The following FCN1 variants were observed in gnomAD, a reference collection of about 807,000 sequenced individuals.
FCN1 encodes the protein ficolin 1.
Under a neutral mutation model 35.6 loss-of-function variants are expected in FCN1, and 42 were observed. The observed-to-expected ratio is 1.18, with a 90% CI of 0.92 to 1.53. The LOEUF (loss-of-function observed/expected upper bound fraction) is 1.53. Ranked by LOEUF, FCN1 falls within the 40% of genes most tolerant of loss-of-function variation. The pLI is 0.00. For synonymous variants in FCN1, 179 were observed against 169.8 expected (o/e 1.05, Z -0.42); for missense variants, 439 against 428.4 (o/e 1.02, Z -0.22).
rs1160829454 is a variant in FCN1, at chr9:134,908,903, C to A, written c.*895G>T. ...CCGCACGTTGATTCTGCCCCTCTGGCCTTCCTTTGGTTCCCTTAGTGTCCT... is the reference window on the plus strand; with the variant it reads ...CCGCACGTTGATTCTGCCCCTCTGGACTTCCTTTGGTTCCCTTAGTGTCCT... On this transcript the variant is annotated 3_prime_UTR_variant, in exon 9 of 9. Transcript: ENST00000371806. The A allele has an allele frequency of 1.3e-5, 3 of 229,074 alleles. No homozygotes were observed. Among genetic ancestry groups the A allele is most frequent in the Non-Finnish European group, 1.8e-5 (2 of 113,782 alleles). The allele number at this position is 229,074 out of a possible 1,614,324, so 14.2% of individuals were successfully genotyped here.
In FCN1 at chr9:134,909,614, A is replaced by G; in HGVS notation, c.*184T>C. Reference sequence around the variant, plus strand: ...TCTGTCCCAAAGTAAACATATTTAGAAACATAATTCTCCCTCTGGTGAGGT... The same window carrying G: ...TCTGTCCCAAAGTAAACATATTTAGGAACATAATTCTCCCTCTGGTGAGGT... On this transcript the variant is annotated 3_prime_UTR_variant, in exon 9 of 9. Transcript: ENST00000371806. 6.5e-7 allele frequency: 1 copy of G among 1,545,514 alleles called. No individual in the cohort carries two copies. Among genetic ancestry groups the G allele is most frequent in the Non-Finnish European group, 8.7e-7 (1 of 1,149,494 alleles).
intron 8 of FCN1, 87 bp downstream of exon 8, chr9:134,911,046 G>A: frequency 1.5e-6 from 2 of 1,366,388 alleles, no homozygotes; most frequent in Non-Finnish European, 2.1e-6. Context: ...AGAGAGAGGA[G>A]GGCCCAAGGT....
chr9:134,914,739 G>C lies in FCN1; in HGVS notation c.271+17C>G, dbSNP rs751869378. On this transcript the variant is annotated intron_variant, in intron 3 of 8. Coordinates refer to ENST00000371806, the MANE Select transcript of FCN1 (RefSeq NM_002003.5). ...GGTCCCTGCTCAAGGCCTCCTCGCT[G>C]TCTGTCCCCTGGTTACCTTTGGGCC... The C allele has an allele frequency of 1.2e-6, 2 of 1,603,908 alleles. No homozygotes were observed. Among genetic ancestry groups the C allele is most frequent in the East Asian group, 2.2e-5 (1 of 44,784 alleles).
chr9:134,909,702 T>G lies in FCN1; in HGVS notation c.*96A>C, dbSNP rs748248387. On this transcript the variant is annotated 3_prime_UTR_variant, in exon 9 of 9. Coordinates refer to ENST00000371806, the MANE Select transcript of FCN1 (RefSeq NM_002003.5). ...GGGGCAGCTGTGGGCGTCATGGGAG[T>G]GTGTCTGGCTGGGGAAATGGGGTGA... 6.3e-7 allele frequency: 1 copy of G among 1,595,212 alleles called. No homozygotes were observed.
In FCN1 at chr9:134,910,048, G is replaced by A. The variant is rs369938374; in HGVS notation, c.734-3C>T. The A allele has an allele frequency of 1.9e-5, 30 of 1,613,412 alleles. No homozygotes were observed. The highest frequency in any genetic ancestry group is 3.3e-4 in the Middle Eastern group (2 of 6,082). On this transcript the variant is annotated splice_polypyrimidine_tract_variant and splice_region_variant and intron_variant, in intron 8 of 8. Transcript: ENST00000371806. ...GTTGTGGCCCGTTAGAGAATTACCT[G>A]CTCACAGAAAATGTGGGGTTTGCAG...
intron 4 of FCN1, 51 bp downstream of exon 4, chr9:134,914,334 C>A (rs1176553261): frequency 1.3e-6 from 2 of 1,566,818 alleles, no homozygotes; most frequent in South Asian, 1.1e-5. Flanking sequence ...TGAGACCCCT[C>A]CCCTGGACAA....
At chr9:134,912,811 G>A (rs1831041108) in intron 6 of FCN1, among the ~76,000 whole-genome samples, 196 bp from the exon 7 acceptor site, 1 of 152,166 alleles carries the variant, frequency 6.6e-6, no homozygotes, top group African/African-American at 2.4e-5. Flanking sequence ...GAGGCAACAA[G>A]CCCCAAGCCA....
At chr9:134,917,549 G>A (rs943986964) in intron 1 of FCN1, among the ~76,000 whole-genome samples, 6 of 152,136 alleles carry the variant, frequency 3.9e-5, no homozygotes, top group Non-Finnish European at 7.4e-5. Flanking sequence ...CTGGGCTTTC[G>A]AGGCAGACAG....
rs557959985 is a variant in FCN1, at chr9:134,904,160, T to C, written c.*5638A>G. Among the ~76,000 whole-genome samples the C allele has an allele frequency of 1.3e-5, 2 of 152,290 alleles. No individual in the cohort carries two copies. The highest frequency in any genetic ancestry group is 4.8e-5 in the African/African-American group (2 of 41,568). On this transcript the variant is annotated 3_prime_UTR_variant, in exon 9 of 9. Coordinates refer to ENST00000371806, the MANE Select transcript of FCN1 (RefSeq NM_002003.5). ...GAAAGACATCAAGTCACAGATTCTATGAACCCCAAGCAAGACAAATTCAGA... is the reference window on the plus strand; with the variant it reads ...GAAAGACATCAAGTCACAGATTCTACGAACCCCAAGCAAGACAAATTCAGA...
rs1223150473 is a variant in FCN1 at position 134,909,342 on chromosome 9, G to A, written c.*456C>T. The A allele has an allele frequency of 2.3e-6, 3 of 1,289,608 alleles. No individual in the cohort carries two copies. The African/African-American group carries it at 4.6e-5, about 20-fold the overall frequency. 79.9% of individuals were successfully genotyped at this position (1,289,608 alleles called of 1,614,324 possible). On this transcript the variant is annotated 3_prime_UTR_variant, in exon 9 of 9. Transcript: ENST00000371806. ...AAGAAGTGTGAAGTGTTGTGAGTGA[G>A]GCATGGGGGGATGGGGGAGGCTTGG... is the stretch of plus-strand genomic sequence containing the variant.
At chr9:134,917,116 G>A (rs1831101725) in intron 1 of FCN1, among the ~76,000 whole-genome samples, 1 of 152,252 alleles carries the variant, frequency 6.6e-6, no homozygotes. Flanking sequence ...TGCTCTCACC[G>A]GAGACATGGC....
rs780455054 is a variant in FCN1, at chr9:134,909,564, C to A, written c.*234G>T. On this transcript the variant is annotated 3_prime_UTR_variant, in exon 9 of 9. Coordinates refer to ENST00000371806, the MANE Select transcript of FCN1 (RefSeq NM_002003.5). ...ATCAAAACCACTGGTGTTCAAGAAA[C>A]ACACATTGAAACTGGTAAAACTTTT... is the stretch of plus-strand genomic sequence containing the variant. 6.9e-7 allele frequency: 1 copy of A among 1,448,954 alleles called. No homozygotes were observed. Among genetic ancestry groups the A allele is most frequent in the Non-Finnish European group, 9.2e-7 (1 of 1,091,042 alleles). The allele number at this position is 1,448,954 out of a possible 1,614,324, so 89.8% of individuals were successfully genotyped here. A position where few individuals can be genotyped will look rare whatever the true frequency, so the allele number is the denominator to read the frequency against.
chr9:134,909,796 G>T lies in FCN1; in HGVS notation c.*2C>A, dbSNP rs368199008. 6.2e-7 allele frequency: 1 copy of T among 1,612,726 alleles called. No homozygotes were observed. ...GGTGCATGTGGAGGGGTCCTGGCCC[G>T]TCTAGGCGGGCCGCACCTTCATCTC... On this transcript the variant is annotated 3_prime_UTR_variant, in exon 9 of 9. Transcript: ENST00000371806.
At chr9:134,911,518 T>C (rs1030036766) in intron 7 of FCN1, among the ~76,000 whole-genome samples, 4 of 151,668 alleles carry the variant, frequency 2.6e-5, no homozygotes, top group African/African-American at 7.3e-5. Context: ...CTACTTTTTT[T>C]TTTTTTTGTA....
Position 134,909,270 on chromosome 9 carries a change from TC to T in FCN1, c.*527del, listed in dbSNP as rs34547938. On this transcript the variant is annotated 3_prime_UTR_variant, in exon 9 of 9. Coordinates refer to ENST00000371806, the MANE Select transcript of FCN1 (RefSeq NM_002003.5). ...AAGCAGAAAAGTTCCTACTAAACTTTCCCCCTTTTTAGTAAGTGTTTTCTGG... is the reference window on the plus strand; with the variant it reads ...AAGCAGAAAAGTTCCTACTAAACTTTCCCCTTTTTAGTAAGTGTTTTCTGG... The T allele has an allele frequency of 1.6e-6, 2 of 1,289,412 alleles. No homozygotes were observed. Among genetic ancestry groups the T allele is most frequent in the Non-Finnish European group, 2.0e-6 (2 of 988,804 alleles). 79.9% of individuals were successfully genotyped at this position (1,289,412 alleles called of 1,614,324 possible).
rs1416232678 is a variant in FCN1 at position 134,905,585 on chromosome 9, G to A, written c.*4213C>T. Among the ~76,000 whole-genome samples the A allele has an allele frequency of 6.6e-6, 1 of 151,828 alleles. No individual in the cohort carries two copies. Among genetic ancestry groups the A allele is most frequent in the Non-Finnish European group, 1.5e-5 (1 of 67,988 alleles). On this transcript the variant is annotated 3_prime_UTR_variant, in exon 9 of 9. Coordinates refer to ENST00000371806, the MANE Select transcript of FCN1 (RefSeq NM_002003.5). ...TTCAACCTCTGCCTCCTGGGTTCAC[G>A]CCATTCTCCTGCCTCAGCTTCTCGA...
In FCN1 at chr9:134,905,293, C is replaced by T. The variant is rs77784540; in HGVS notation, c.*4505G>A. On this transcript the variant is annotated 3_prime_UTR_variant, in exon 9 of 9. Transcript: ENST00000371806. ...AATGCCCAAATGTTGCTGGATGGGC[C>T]CACGCCTACACTCCTACTTGAGAGG... 4.0e-3 allele frequency among the ~76,000 whole-genome samples: 605 copies of T among 152,208 alleles called. 11 individuals carry two copies. The highest frequency in any genetic ancestry group is 0.014 in the African/African-American group (571 of 41,514).
At chr9:134,915,675 C>G (rs1390306156) in intron 2 of FCN1, among the ~76,000 whole-genome samples, 1 of 152,176 alleles carries the variant, frequency 6.6e-6, no homozygotes, top group Non-Finnish European at 1.5e-5. Context: ...TGGGACATCC[C>G]CACCAAGTGC....
rs1830912102 is a variant in FCN1 at position 134,903,816 on chromosome 9, TGGA to T, written c.*5979_*5981del. ...ATGGTGAAAAAAATAGGTGAAAAAG[TGGA>T]GAAGTGGAGCCAAGCATTGGAGTCT... On this transcript the variant is annotated 3_prime_UTR_variant, in exon 9 of 9. Transcript: ENST00000371806. 6.6e-6 allele frequency among the ~76,000 whole-genome samples: 1 copy of T among 152,078 alleles called. No homozygotes were observed. Among genetic ancestry groups the T allele is most frequent in the Non-Finnish European group, 1.5e-5 (1 of 67,992 alleles).
Sources: allele counts gnomAD v4.1 joint callset (sites outside exome capture counted in the v4.1 genomes callset), GRCh38; gene constraint gnomAD v4.1.1; transcripts MANE v1.5; gene names NCBI Gene and HGNC (gene_info 2026-07-23, HGNC 2026-07-21).